The following TMEM219 variants were observed in gnomAD, a reference collection of about 807,000 sequenced individuals.
The protein encoded by TMEM219 is insulin-like growth factor-binding protein 3 receptor.
Under a neutral mutation model 17.9 loss-of-function variants are expected in TMEM219, and 18 were observed. The ratio of observed to expected loss-of-function variants is 1.01; its 90% CI spans 0.70 to 1.49. TMEM219 has a LOEUF of 1.49. Among genes scored for constraint, TMEM219 ranks in the 40% most tolerant of loss-of-function variants. The pLI is 0.00. For missense variants in TMEM219, 288 were observed against 292.4 expected (o/e 0.99, Z 0.11); for synonymous variants, 113 against 124.0 (o/e 0.91, Z 0.59).
At chr16:29,969,463 G>C (rs2069254377) in intron 4 of TMEM219, among the ~76,000 whole-genome samples, 1 of 151,908 alleles carries the variant, frequency 6.6e-6, no homozygotes, top group Non-Finnish European at 1.5e-5. Flanking sequence ...CCAAAGTGCT[G>C]GGATTACAGG....
intron 4 of TMEM219, among the ~76,000 whole-genome samples, chr16:29,970,100 G>A (rs1327754264): frequency 1.3e-5 from 2 of 151,752 alleles, no homozygotes; most frequent in Non-Finnish European, 2.9e-5. Flanking sequence ...TGGATGTTGT[G>A]GCGGGCGTCT....
Position 29,963,546 on chromosome 16 carries a change from G to C in TMEM219, c.312G>C (p.Arg104=), listed in dbSNP as rs1420842695. 1 of 1,613,992 alleles carries C rather than the reference G, an allele frequency of 6.2e-7. No individual in the cohort carries two copies. The highest frequency in any genetic ancestry group is 1.3e-5 in the African/African-American group (1 of 74,900). Residue 104 remains arginine (R), a synonymous_variant, in exon 3 of 6, where the codon CGG becomes CGC. Coordinates refer to ENST00000279396, the MANE Select transcript of TMEM219 (RefSeq NM_001083613.2). ...FGDGPDRNKT[R]TFQATVLGSQ... is the part of the protein sequence containing the mutation. ...ACGGTCCAGACAGGAACAAGACCCG[G>C]ACATTCCAGGCCACAGTCCTGGGAA...
At chr16:29,965,587 C>G (rs1392304767) in intron 3 of TMEM219, among the ~76,000 whole-genome samples, 1 of 147,114 alleles carries the variant, frequency 6.8e-6, no homozygotes, top group African/African-American at 2.5e-5. Context: ...AAAAAAAAGC[C>G]AGGCGTGGTG....
chr16:29,972,138 A>G (rs2069301900), intron 5 of TMEM219: 1 of 152,548 alleles, frequency 6.6e-6, no homozygotes, highest in Non-Finnish European at 1.5e-5. Flanking sequence ...TTGGGTAACA[A>G]TGGTGAGTTA....
intron 4 of TMEM219, 126 bp downstream of exon 4, chr16:29,968,380 T>TG (rs1173179170): frequency 5.6e-6 from 4 of 711,544 alleles, no homozygotes; most frequent in Non-Finnish European, 9.3e-6. Flanking sequence ...CCTTGGGGGC[T>TG]GTGTGACGTA....
At chr16:29,962,336 A>G (rs1454403749) in intron 1 of TMEM219, among the ~76,000 whole-genome samples, 1 of 151,882 alleles carries the variant, frequency 6.6e-6, no homozygotes, top group Non-Finnish European at 1.5e-5. Flanking sequence ...TGACACCTAC[A>G]TTTCCGTGGC....
rs1567459888 is a variant in TMEM219 at position 29,963,422 on chromosome 16, C to CT, written c.192dup (p.Gly65TrpfsTer81). ...CAGGACTGGGTCTCTTTTTTGAGATCTTTTGGCCAGCTGACCCTGTGTCCC... is the reference window on the plus strand; with the variant it reads ...CAGGACTGGGTCTCTTTTTTGAGATCTTTTTGGCCAGCTGACCCTGTGTCCC... On this transcript the variant is annotated frameshift_variant, in exon 3 of 6. Transcript: ENST00000279396. LOFTEE classifies it high-confidence loss of function. 4 of 1,613,890 alleles carry CT rather than the reference C, an allele frequency of 2.5e-6. No homozygotes were observed. Among genetic ancestry groups the CT allele is most frequent in the Non-Finnish European group, 2.5e-6 (3 of 1,179,920 alleles).
At chr16:29,971,092 A>C (rs2069279870) in intron 4 of TMEM219, among the ~76,000 whole-genome samples, 2 of 151,650 alleles carry the variant, frequency 1.3e-5, no homozygotes, top group Non-Finnish European at 2.9e-5. Context: ...TAAAAATACA[A>C]AAAATGAGCC....
intron 3 of TMEM219, among the ~76,000 whole-genome samples, chr16:29,965,525 C>A (rs2069200529): frequency 6.8e-6 from 1 of 147,730 alleles, no homozygotes; most frequent in African/African-American, 2.5e-5. Context: ...TCGAGACCAG[C>A]CTGGACAAAA....
intron 5 of TMEM219, 33 bp downstream of exon 5, chr16:29,971,611 G>A (rs2069290149): frequency 6.4e-7 from 1 of 1,570,966 alleles, no homozygotes; most frequent in Non-Finnish European, 8.7e-7. Flanking sequence ...TGCGGGAGCA[G>A]GGAATGGGGT....
intron 4 of TMEM219, among the ~76,000 whole-genome samples, chr16:29,968,958 C>T (rs2069247767): frequency 6.6e-6 from 1 of 152,076 alleles, no homozygotes; most frequent in African/African-American, 2.4e-5. Flanking sequence ...CAGAATGATC[C>T]TTGAAGAATG....
chr16:29,962,932 A>G (rs2069163727), intron 1 of TMEM219, 175 bp from the exon 2 acceptor site: 1 of 628,450 alleles, frequency 1.6e-6, no homozygotes, highest in Non-Finnish European at 2.8e-6. Flanking sequence ...GAAATGCAGC[A>G]AATATTTATC....
At position 29,963,328 on chromosome 16, in the gene TMEM219, A is replaced by G. The variant is rs780235920; in HGVS notation, c.165+20A>G. 4.3e-6 allele frequency: 7 copies of G among 1,613,478 alleles called. No homozygotes were observed. Among genetic ancestry groups the G allele is most frequent in the Non-Finnish European group, 5.1e-6 (6 of 1,179,740 alleles). Reference sequence around the variant, plus strand: ...CCCCAGGTAAGTTCCCCACCCCCGTACCCGCTCTTCCTTCCAACCTAGACA... The same window carrying G: ...CCCCAGGTAAGTTCCCCACCCCCGTGCCCGCTCTTCCTTCCAACCTAGACA... On this transcript the variant is annotated intron_variant, in intron 2 of 5. Transcript: ENST00000279396.
At chr16:29,971,700 C>G in intron 5 of TMEM219, 122 bp downstream of exon 5, 1 of 909,012 alleles carries the variant, frequency 1.1e-6, no homozygotes, top group Non-Finnish European at 1.6e-6. Flanking sequence ...TCCCCGAGAA[C>G]CTCTTCAACC....
At chr16:29,971,380 C>T (rs370229785) in intron 4 of TMEM219, 28 bp from the exon 5 acceptor site, 5 of 1,613,644 alleles carry the variant, frequency 3.1e-6, no homozygotes, top group Non-Finnish European at 2.5e-6. Context: ...ACATGTCCTC[C>T]TCCTCCTCTC....
At chr16:29,972,329 A>G (rs1434498155) in intron 5 of TMEM219, among the ~76,000 whole-genome samples, 1 of 152,228 alleles carries the variant, frequency 6.6e-6, no homozygotes, top group Non-Finnish European at 1.5e-5. Flanking sequence ...AGAACTTGAC[A>G]TGCACCTTCT....
intron 5 of TMEM219, chr16:29,972,240 A>G (rs2069303670): frequency 6.6e-6 from 1 of 152,218 alleles, no homozygotes; most frequent in Non-Finnish European, 1.5e-5. Flanking sequence ...TATGATGGAA[A>G]TTTTGTAAAA....
In TMEM219 at chr16:29,968,079, C is replaced by G; in HGVS notation, c.410C>G (p.Thr137Ser). Residue 137 changes from threonine (T) to serine (S), a missense_variant, in exon 4 of 6, where the codon ACT (threonine) becomes AGT (serine). Coordinates refer to ENST00000279396, the MANE Select transcript of TMEM219 (RefSeq NM_001083613.2). ...LITARVTTER[T>S]AGTCLYFSAV... ...ACAGCCAGGGTGACCACAGAAAGGA[C>G]TGCAGGAACCTGCCTATATTTTAGT... 2 of 1,614,208 alleles carry G rather than the reference C, an allele frequency of 1.2e-6. No individual in the cohort carries two copies. Among genetic ancestry groups the G allele is most frequent in the Non-Finnish European group, 1.7e-6 (2 of 1,180,042 alleles).
At chr16:29,966,180 T>A (rs2069211106) in intron 3 of TMEM219, among the ~76,000 whole-genome samples, 1 of 152,188 alleles carries the variant, frequency 6.6e-6, no homozygotes. Context: ...ATTACCCAAT[T>A]GTTTTATTTA....
Sources: gnomAD v4.1 joint callset for allele counts (sites outside exome capture counted in the v4.1 genomes callset) on GRCh38, gnomAD v4.1.1 for gene constraint, MANE v1.5 for transcripts, NCBI Gene and HGNC (gene_info 2026-07-23, HGNC 2026-07-21) for gene names.